MED13L: variants seen among roughly 807,000 people sequenced by gnomAD.
MED13L encodes the protein mediator of RNA polymerase II transcription subunit 13-like.
MED13L carries 7 observed loss-of-function variants against 220.9 expected under a neutral mutation model. The observed-to-expected ratio is 0.03, with a 90% CI of 0.02 to 0.06. The LOEUF is 0.06. MED13L is among the 10% of genes least tolerant of loss of function. MED13L has a pLI of 1.00. For missense variants in MED13L, 1,965 were observed against 2,760.5 expected (o/e 0.71, Z 6.46); for synonymous variants, 1,011 against 1,015.2 (o/e 1.00, Z 0.08).
chr12:116,199,693 C>CT (rs542778930), intron 2 of MED13L, among the ~76,000 whole-genome samples: 40 of 147,046 alleles, frequency 2.7e-4, no homozygotes, highest in South Asian at 1.9e-3. Flanking sequence ...TTAAATGCTA[C>CT]TTTTTTTTTT....
intron 2 of MED13L, among the ~76,000 whole-genome samples, chr12:116,120,026 T>C (rs1311347590): frequency 6.6e-6 from 1 of 151,768 alleles, no homozygotes; most frequent in Non-Finnish European, 1.5e-5. Flanking sequence ...AAGCAATTTA[T>C]TTTCATAGCT....
chr12:116,222,363 T>G (rs1868525109), intron 2 of MED13L, among the ~76,000 whole-genome samples: 1 of 152,208 alleles, frequency 6.6e-6, no homozygotes, highest in African/African-American at 2.4e-5. Context: ...TCTTATGACC[T>G]CTACCTCTCC....
At chr12:116,270,797 C>T (rs527342476) in intron 1 of MED13L, among the ~76,000 whole-genome samples, 5 of 151,892 alleles carry the variant, frequency 3.3e-5, no homozygotes, top group African/African-American at 1.2e-4. Flanking sequence ...AATCCCAGCA[C>T]TTTGGGAGGC....
At chr12:116,062,740 C>T (rs1869614092) in intron 4 of MED13L, among the ~76,000 whole-genome samples, 1 of 152,088 alleles carries the variant, frequency 6.6e-6, no homozygotes, top group African/African-American at 2.4e-5. Flanking sequence ...ACCAACTCAC[C>T]CGGCCTCAGT....
intron 2 of MED13L, among the ~76,000 whole-genome samples, chr12:116,184,170 C>T (rs1880728362): frequency 6.6e-6 from 1 of 152,100 alleles, no homozygotes; most frequent in Non-Finnish European, 1.5e-5. Context: ...AAGGCTACTT[C>T]AGAAAGGCAG....
intron 4 of MED13L, among the ~76,000 whole-genome samples, chr12:116,023,290 C>T (rs1189459550): frequency 6.6e-6 from 1 of 152,092 alleles, no homozygotes; most frequent in African/African-American, 2.4e-5. Context: ...AGCAAGACCC[C>T]TGTCTCAAAA....
In MED13L at chr12:115,968,960, A is replaced by C. The variant is rs1480060013; in HGVS notation, c.6205T>G (p.Ser2069Ala). The C allele has an allele frequency of 1.9e-6, 3 of 1,614,028 alleles. No homozygotes were observed. The highest frequency in any genetic ancestry group is 2.5e-6 in the Non-Finnish European group (3 of 1,179,962). ...CTTACCCGACTATGCTGGAAGTGAG[A>C]GCCCACACCAATTCCAGAAGGAGAG... ...PGSPSGIGVG[S>A]HFQHSRSQGE... Residue 2069 changes from serine (S) to alanine (A), a missense_variant, in exon 28 of 31, where the codon TCT (serine) becomes GCT (alanine). Ser to Ala is a moderately conservative substitution (Grantham distance 99). This residue lies in a region of MED13L where 145 missense variants were observed against 328.3 expected (regional missense o/e 0.44). Coordinates refer to ENST00000281928, the MANE Select transcript of MED13L (RefSeq NM_015335.5).
intron 23 of MED13L, among the ~76,000 whole-genome samples, chr12:115,978,932 T>G (rs1179501132): frequency 6.6e-6 from 1 of 152,226 alleles, no homozygotes; most frequent in Non-Finnish European, 1.5e-5. Context: ...TGCATAAAAC[T>G]GTGCCACCCA....
chr12:115,974,901 C>T (rs926283636), intron 25 of MED13L, among the ~76,000 whole-genome samples: 7 of 152,012 alleles, frequency 4.6e-5, no homozygotes, highest in South Asian at 2.1e-4. Context: ...AATAAATGTT[C>T]GAAATGTGAA....
intron 2 of MED13L, among the ~76,000 whole-genome samples, chr12:116,128,754 C>A (rs192632450): frequency 1.3e-5 from 2 of 152,184 alleles, no homozygotes; most frequent in African/African-American, 2.4e-5. Context: ...TAAAGTTACA[C>A]AGTTATGGAG....
chr12:116,185,998 T>C (rs1408419144), intron 2 of MED13L, among the ~76,000 whole-genome samples: 3 of 152,162 alleles, frequency 2.0e-5, no homozygotes, highest in Non-Finnish European at 4.4e-5. Context: ...CAGCCCATCA[T>C]ATGCTTTTCT....
intron 3 of MED13L, among the ~76,000 whole-genome samples, chr12:116,101,363 G>A (rs758511857): frequency 3.3e-5 from 5 of 152,130 alleles, no homozygotes; most frequent in Non-Finnish European, 7.3e-5. Context: ...CTCTATATTG[G>A]GAGGTGCTCA....
chr12:116,125,269 A>T (rs1461069654), intron 2 of MED13L, among the ~76,000 whole-genome samples: 1 of 152,232 alleles, frequency 6.6e-6, no homozygotes, highest in Non-Finnish European at 1.5e-5. Context: ...CGGAAATTCA[A>T]GGCCAGCCTG....
chr12:116,230,321 A>C (rs117807225), intron 2 of MED13L: 1 of 194,730 alleles, frequency 5.1e-6, no homozygotes, highest in Admixed American at 6.5e-5. Flanking sequence ...AATCGCTTGA[A>C]CCAGCGAGGC....
intron 2 of MED13L, among the ~76,000 whole-genome samples, chr12:116,213,627 G>A (rs1565931444): frequency 6.6e-6 from 1 of 152,130 alleles, no homozygotes; most frequent in Non-Finnish European, 1.5e-5. Flanking sequence ...TGGTCAGGCT[G>A]GTCTCAAACT....
chr12:116,167,300 A>C (rs1253163390), intron 2 of MED13L, among the ~76,000 whole-genome samples: 1 of 152,210 alleles, frequency 6.6e-6, no homozygotes, highest in African/African-American at 2.4e-5. Flanking sequence ...GCATCCCTCG[A>C]ATACAAGCAG....
chr12:116,163,872 A>T (rs1213484356), intron 2 of MED13L, among the ~76,000 whole-genome samples: 1 of 152,228 alleles, frequency 6.6e-6, no homozygotes, highest in Non-Finnish European at 1.5e-5. Context: ...AGAGAAATCA[A>T]ATTCACAATA....
rs1877274751 is a variant in MED13L at position 115,980,807 on chromosome 12, T to C, written c.5307A>G (p.Lys1769=). The C allele has an allele frequency of 1.9e-6, 3 of 1,614,000 alleles. No individual in the cohort carries two copies. The African/African-American group carries it at 4.0e-5, about 22-fold the overall frequency. ...CTGCAGGCCCAAATCCCGTGAGGGATTTAATGTGGATCTGTGTAGGCAGTG... is the reference window on the plus strand; with the variant it reads ...CTGCAGGCCCAAATCCCGTGAGGGACTTAATGTGGATCTGTGTAGGCAGTG... The part of the protein sequence containing the change: ...RRPLPTQIHI[K]SLTGFGPAAS... Residue 1769 remains lysine (K), a synonymous_variant, in exon 23 of 31, where the codon AAA becomes AAG. Coordinates refer to ENST00000281928, the MANE Select transcript of MED13L (RefSeq NM_015335.5).
chr12:116,220,370 T>TCTTA (rs1883239815), intron 2 of MED13L, among the ~76,000 whole-genome samples: 3 of 152,156 alleles, frequency 2.0e-5, no homozygotes, highest in Non-Finnish European at 4.4e-5. Flanking sequence ...TTCCCACTTC[T>TCTTA]CTTAGACCAT....
Sources: gnomAD v4.1 joint callset for allele counts (sites outside exome capture counted in the v4.1 genomes callset) on GRCh38, gnomAD v4.1.1 for gene constraint, gnomAD v4.1.1 regional missense constraint, MANE v1.5 for transcripts, NCBI Gene and HGNC (gene_info 2026-07-23, HGNC 2026-07-21) for gene names.